DOT1L: variants seen among roughly 807,000 people sequenced by gnomAD.
DOT1L encodes histone-lysine N-methyltransferase, H3 lysine-79 specific.
A neutral mutation model predicts 153.3 loss-of-function variants in DOT1L; 33 were observed. That is an observed-to-expected ratio of 0.22 (90% CI 0.16 to 0.29). DOT1L has a LOEUF of 0.29. Among genes scored for constraint, DOT1L ranks in the 10% least tolerant of loss-of-function variants. The probability of loss-of-function intolerance (pLI) is 1.00; values close to 1 mark genes in which losing one functional copy is unlikely to be tolerated. For synonymous variants in DOT1L, 1,135 were observed against 965.1 expected (o/e 1.18, Z -3.26); for missense variants, 1,847 against 2,119.9 (o/e 0.87, Z 2.53).
chr19:2,196,224 A>C (rs1232901306), intron 7 of DOT1L, among the ~76,000 whole-genome samples: 1 of 152,230 alleles, frequency 6.6e-6, no homozygotes, highest in African/African-American at 2.4e-5. Context: ...GGTGGCCCCG[A>C]CCGGGGTCAG....
At chr19:2,194,648 T>G (rs1212839032) in intron 7 of DOT1L, 71 bp downstream of exon 7, 8 of 1,471,826 alleles carry the variant, frequency 5.4e-6, no homozygotes, top group Admixed American at 1.8e-5. Flanking sequence ...TGTCAGCCCC[T>G]CCTTTCTTGC....
intron 15 of DOT1L, 143 bp from the exon 16 acceptor site, chr19:2,211,608 C>T (rs2023717893): frequency 1.4e-6 from 1 of 704,546 alleles, no homozygotes; most frequent in African/African-American, 1.8e-5. Context: ...GTGGCATGGG[C>T]CCCGCCAGGC....
At chr19:2,211,922 G>A (rs1484331104) in intron 16 of DOT1L, 80 bp downstream of exon 16, 4 of 1,372,074 alleles carry the variant, frequency 2.9e-6, no homozygotes, top group Non-Finnish European at 4.0e-6. Flanking sequence ...GTCCCCTGTG[G>A]CAGAGGCCCT....
At chr19:2,223,638 C>T (rs1450700361) in intron 25 of DOT1L, 152 bp downstream of exon 25, 2 of 988,806 alleles carry the variant, frequency 2.0e-6, no homozygotes, top group Admixed American at 2.8e-5. Flanking sequence ...TGTGAGGGGC[C>T]TCCCCACAGG....
At chr19:2,227,938 C>T (rs1271462251) in intron 27 of DOT1L, 3 of 1,208,478 alleles carry the variant, frequency 2.5e-6, no homozygotes, top group Non-Finnish European at 3.2e-6. Flanking sequence ...CCCCCGCTGC[C>T]CCCGCCTGCG....
chr19:2,199,815 C>A (rs117020388), intron 7 of DOT1L, 69 bp from the exon 8 acceptor site: 1 of 1,415,866 alleles, frequency 7.1e-7, no homozygotes, highest in Non-Finnish European at 9.5e-7. Context: ...TCTTTCTTCA[C>A]AGGGGCTGGG....
chr19:2,180,693 A>C lies in DOT1L; in HGVS notation c.82-20A>C. 6.2e-7 allele frequency: 1 copy of C among 1,613,898 alleles called. No individual in the cohort carries two copies. Among genetic ancestry groups the C allele is most frequent in the South Asian group, 1.1e-5 (1 of 91,018 alleles). ...GGGTGGAGGATGGCTCTGCGTCTCAAACTTCTCTCTCTGTTTCAGGATAAA... is the reference window on the plus strand; with the variant it reads ...GGGTGGAGGATGGCTCTGCGTCTCACACTTCTCTCTCTGTTTCAGGATAAA... On this transcript the variant is annotated intron_variant, in intron 1 of 27. Coordinates refer to ENST00000398665, the MANE Select transcript of DOT1L (RefSeq NM_032482.3).
At chr19:2,209,102 C>T (rs553641692) in intron 12 of DOT1L, 126 bp downstream of exon 12, 153 of 1,043,600 alleles carry the variant, frequency 1.5e-4, no homozygotes, top group South Asian at 2.7e-4. Flanking sequence ...CCTCGGGGCC[C>T]GGCCCTGTGC....
At chr19:2,169,161 C>T (rs1015414597) in intron 1 of DOT1L, among the ~76,000 whole-genome samples, 2 of 152,040 alleles carry the variant, frequency 1.3e-5, no homozygotes, top group Non-Finnish European at 2.9e-5. Flanking sequence ...CGGCTGTGGG[C>T]GGCGGTGAGT....
chr19:2,202,684 G>A lies in DOT1L; in HGVS notation c.708-16G>A. Reference sequence around the variant, plus strand: ...GACGAGCCTTCATGGCACTGAACTGGAGTATTGTTTTGCAGTGTTATATTT... The same window carrying A: ...GACGAGCCTTCATGGCACTGAACTGAAGTATTGTTTTGCAGTGTTATATTT... On this transcript the variant is annotated splice_polypyrimidine_tract_variant and intron_variant, in intron 8 of 27. Transcript: ENST00000398665. The A allele has an allele frequency of 1.9e-6, 3 of 1,613,390 alleles. No individual in the cohort carries two copies. The highest frequency in any genetic ancestry group is 2.5e-6 in the Non-Finnish European group (3 of 1,179,314).
At position 2,218,815 on chromosome 19, in the gene DOT1L, G is replaced by T. The variant is rs548281757; in HGVS notation, c.2691+897G>T. 1.6e-4 allele frequency among the ~76,000 whole-genome samples: 25 copies of T among 152,108 alleles called. No homozygotes were observed. The East Asian group carries it at 4.8e-3, about 29-fold the overall frequency. On this transcript the variant is annotated intron_variant, in intron 22 of 27. Transcript: ENST00000398665. ...AGGTTCATGCCATTCTCCTGCCTCA[G>T]CCTCCCGAGTAGCTGGGATTACAGG...
intron 2 of DOT1L, among the ~76,000 whole-genome samples, chr19:2,182,222 C>T (rs1408268507): frequency 2.0e-5 from 3 of 151,726 alleles, no homozygotes; most frequent in African/African-American, 7.3e-5. Flanking sequence ...AGTGAGACTC[C>T]ATCTCAAAAA....
intron 25 of DOT1L, among the ~76,000 whole-genome samples, chr19:2,224,254 C>G (rs2024237655): frequency 6.6e-6 from 1 of 152,146 alleles, no homozygotes; most frequent in Non-Finnish European, 1.5e-5. Flanking sequence ...TGTTTGGGAG[C>G]AAGTTTCCCG....
At position 2,223,382 on chromosome 19, in the gene DOT1L, C is replaced by A; in HGVS notation, c.3492C>A (p.Pro1164=). 6.2e-7 allele frequency: 1 copy of A among 1,613,842 alleles called. No individual in the cohort carries two copies. Among genetic ancestry groups the A allele is most frequent in the South Asian group, 1.1e-5 (1 of 91,076 alleles). ...CCTACCAGGACCACGACCAGCCCCC[C>A]GTGCTCAAGAAGGAGCGGCCTCTGA... ...PVPYQDHDQP[P]VLKKERPLSQ... The change falls in exon 25 of 28, where the codon CCC becomes CCA. Residue 1164 remains proline (P), a synonymous_variant. Transcript: ENST00000398665.
intron 1 of DOT1L, among the ~76,000 whole-genome samples, chr19:2,169,954 C>T (rs1402498941): frequency 1.3e-5 from 2 of 152,144 alleles, no homozygotes; most frequent in African/African-American, 2.4e-5. Context: ...GTCAGGAGTT[C>T]GAGACCAGCT....
chr19:2,186,238 G>A (rs886449), intron 3 of DOT1L, among the ~76,000 whole-genome samples: 24,488 of 152,286 alleles, frequency 0.16, 2,527 homozygotes, highest in South Asian at 0.23. Flanking sequence ...AGAAGTCCGC[G>A]TTCCTGCCTG....
At chr19:2,200,226 G>T (rs550690825) in intron 8 of DOT1L, among the ~76,000 whole-genome samples, 1 of 152,020 alleles carries the variant, frequency 6.6e-6, no homozygotes, top group Non-Finnish European at 1.5e-5. Context: ...GGCCCCTCTC[G>T]CCTGGTTTCC....
Position 2,227,143 on chromosome 19 carries a change from G to A in DOT1L, c.4606+16G>A, listed in dbSNP as rs577762317. On this transcript the variant is annotated intron_variant, in intron 27 of 27. Coordinates refer to ENST00000398665, the MANE Select transcript of DOT1L (RefSeq NM_032482.3). ...ACAGTTGGAGGTAGGCAGGGCGGCC[G>A]TCCGTCCGCCCCCCGCCCCGGCCCC... 676 of 1,554,198 alleles carry A rather than the reference G, an allele frequency of 4.3e-4. 3 individuals carry two copies. In the African/African-American group the frequency reaches 7.5e-3, roughly 17 times the overall value.
chr19:2,229,340 C>G, intron 27 of DOT1L: 1 of 985,470 alleles, frequency 1.0e-6, no homozygotes, highest in Non-Finnish European at 1.2e-6. Flanking sequence ...TCAGGGGCCC[C>G]TGGGACACAG....
Sources: allele counts gnomAD v4.1 joint callset (sites outside exome capture counted in the v4.1 genomes callset), GRCh38; gene constraint gnomAD v4.1.1; transcripts MANE v1.5; gene names NCBI Gene and HGNC (gene_info 2026-07-23, HGNC 2026-07-21).